The following FMOD variants were observed in gnomAD, a reference collection of about 807,000 sequenced individuals.
The protein encoded by FMOD is KSPG fibromodulin.
A neutral mutation model predicts 27.0 loss-of-function variants in FMOD; 15 were observed. The observed-to-expected ratio is 0.55, with a 90% confidence interval of 0.37 to 0.85. FMOD has a LOEUF of 0.85. Among genes scored for constraint, FMOD ranks in the 40% least tolerant of loss-of-function variants. FMOD has a pLI of 0.00. For missense variants in FMOD, 460 were observed against 483.2 expected (o/e 0.95, Z 0.45); for synonymous variants, 210 against 214.0 (o/e 0.98, Z 0.16).
chr1:203,348,136 G>A lies in FMOD; in HGVS notation c.135C>T (p.Tyr45=), dbSNP rs1455672339. ...QSTYYDPYDP[Y]PYETYEPYPY... is the part of the protein sequence containing the mutation. ...GGTAAGGCTCGTAGGTCTCATACGG[G>A]TAAGGGTCATAGGGATCGTAGTAGG... Residue 45 remains tyrosine (Y), a synonymous_variant, in exon 2 of 3, where the codon TAC becomes TAT. Transcript: ENST00000354955. The A allele has an allele frequency of 6.2e-7, 1 of 1,614,076 alleles. No homozygotes were observed. Among genetic ancestry groups the A allele is most frequent in the African/African-American group, 1.3e-5 (1 of 74,922 alleles).
intron 2 of FMOD, among the ~76,000 whole-genome samples, chr1:203,345,237 C>A (rs778754317): frequency 6.6e-6 from 1 of 152,076 alleles, no homozygotes; most frequent in South Asian, 2.1e-4. Flanking sequence ...AATTTGTTTG[C>A]GGGACCTTAG....
rs112848354 is a variant in FMOD, at chr1:203,347,009, C to T, written c.979+283G>A. Among the ~76,000 whole-genome samples, 1,514 of 152,254 alleles carry T rather than the reference C, an allele frequency of 9.9e-3. 28 individuals are homozygous for T. The highest frequency in any genetic ancestry group is 0.035 in the African/African-American group (1,453 of 41,524). On this transcript the variant is annotated intron_variant, in intron 2 of 2. Coordinates refer to ENST00000354955, the MANE Select transcript of FMOD (RefSeq NM_002023.5). Reference sequence around the variant, plus strand: ...CCAGAATGTCTCCATCCTGCATACCCCCAACCCATGCCCACTTATCTCTCA... The same window carrying T: ...CCAGAATGTCTCCATCCTGCATACCTCCAACCCATGCCCACTTATCTCTCA...
Position 203,347,248 on chromosome 1 carries a change from T to G in FMOD, c.979+44A>C, listed in dbSNP as rs774439814. The G allele has an allele frequency of 3.5e-5, 55 of 1,551,362 alleles. No individual in the cohort carries two copies. The South Asian group carries it at 6.7e-4, about 19-fold the overall frequency. ...AGCACTCAGAATAGTGTCTTTCAAG[T>G]GAAATAGACAGCCAGTCCCCGCCTC... On this transcript the variant is annotated intron_variant, in intron 2 of 2. Coordinates refer to ENST00000354955, the MANE Select transcript of FMOD (RefSeq NM_002023.5).
At position 203,348,196 on chromosome 1, in the gene FMOD, A is replaced by T. The variant is rs770447264; in HGVS notation, c.75T>A (p.His25Gln). Residue 25 changes from histidine to glutamine, a missense_variant, in exon 2 of 3, where the codon CAT becomes CAA. By Grantham distance (24) the His-to-Gln change is conservative. Coordinates refer to ENST00000354955, the MANE Select transcript of FMOD (RefSeq NM_002023.5). ...LSQAQYEDDP[H>Q]WWFHYLRSQQ... ...GGCTGCGGAGGTAGTGGAACCACCA[A>T]TGAGGGTCATCTTCATACTGGGCCT... 6.2e-7 allele frequency: 1 copy of T among 1,614,198 alleles called. No homozygotes were observed. Among genetic ancestry groups the T allele is most frequent in the South Asian group, 1.1e-5 (1 of 91,088 alleles).
rs1406397342 is a variant in FMOD at position 203,342,170 on chromosome 1, G to T, written c.*173C>A. On this transcript the variant is annotated 3_prime_UTR_variant, in exon 3 of 3. Coordinates refer to ENST00000354955, the MANE Select transcript of FMOD (RefSeq NM_002023.5). Reference sequence around the variant, plus strand: ...CTTCTGCCTATGTCCTCAGCAGAAGGCTGCCTGTCCCTGATCGCCCCCCCT... The same window carrying T: ...CTTCTGCCTATGTCCTCAGCAGAAGTCTGCCTGTCCCTGATCGCCCCCCCT... 23 of 675,810 alleles carry T rather than the reference G, an allele frequency of 3.4e-5. No homozygotes were observed. The highest frequency in any genetic ancestry group is 5.5e-5 in the Non-Finnish European group (23 of 420,970). The allele number at this position is 675,810 out of a possible 1,614,324, so 41.9% of individuals were successfully genotyped here.
At chr1:203,346,496 CT>C (rs5780162) in intron 2 of FMOD, among the ~76,000 whole-genome samples, 41 of 146,358 alleles carry the variant, frequency 2.8e-4, no homozygotes, top group African/African-American at 6.3e-4. Context: ...GGGAGGCAGC[CT>C]TTTTTTTTTT....
rs370475053 is a variant in FMOD at position 203,342,433 on chromosome 1, C to A, written c.1041G>T (p.Val347=). 19 of 1,614,050 alleles carry A rather than the reference C, an allele frequency of 1.2e-5. No homozygotes were observed. In the African/African-American group the frequency reaches 2.3e-4, roughly 19 times the overall value. ...VDVVNFSKLQ[V]LRLDGNEIKR... ...TGATCTCGTTCCCGTCCAGGCGCAGCACCTGCAGCTTGGAGAAGTTCACGA... is the reference window on the plus strand; with the variant it reads ...TGATCTCGTTCCCGTCCAGGCGCAGAACCTGCAGCTTGGAGAAGTTCACGA... Residue 347 remains valine (V), a synonymous_variant, in exon 3 of 3, where the codon GTG becomes GTT. Coordinates refer to ENST00000354955, the MANE Select transcript of FMOD (RefSeq NM_002023.5).
At chr1:203,350,400 G>C (rs75860259) in intron 1 of FMOD, among the ~76,000 whole-genome samples, 1 of 152,040 alleles carries the variant, frequency 6.6e-6, no homozygotes, top group African/African-American at 2.4e-5. Context: ...GTTTACTCAG[G>C]AGCTACTGCT....
intron 2 of FMOD, among the ~76,000 whole-genome samples, chr1:203,346,735 G>T (rs915968858): frequency 6.6e-6 from 1 of 152,164 alleles, no homozygotes; most frequent in Non-Finnish European, 1.5e-5. Context: ...GAAAAAGAGA[G>T]CTCATCCTCT....
chr1:203,348,821 A>G (rs1553286211), intron 1 of FMOD, among the ~76,000 whole-genome samples: 1 of 152,188 alleles, frequency 6.6e-6, no homozygotes, highest in Non-Finnish European at 1.5e-5. Context: ...CATCTGGAAA[A>G]TCTTTTGGTC....
intron 2 of FMOD, 135 bp downstream of exon 2, chr1:203,347,157 T>C (rs761999090): frequency 6.1e-6 from 6 of 984,916 alleles, no homozygotes; most frequent in Non-Finnish European, 7.5e-6. Context: ...GGGTATGGCT[T>C]GGTTGTCAGG....
rs775546532 is a variant in FMOD at position 203,347,978 on chromosome 1, T to A, written c.293A>T (p.Lys98Met). ...GCGGGAGGGAACGAAGGGCAGGTAC[T>A]TGAGGTTGCGATTGTCACAGTACAT... ...TAMYCDNRNL[K>M]YLPFVPSRMK... Residue 98 changes from lysine to methionine, a missense_variant, in exon 2 of 3, where the codon AAG becomes ATG. Lys to Met is a moderately conservative substitution (Grantham distance 95). Coordinates refer to ENST00000354955, the MANE Select transcript of FMOD (RefSeq NM_002023.5). The A allele has an allele frequency of 1.9e-6, 3 of 1,604,698 alleles. No individual in the cohort carries two copies. The Admixed American group carries it at 5.0e-5, about 27-fold the overall frequency.
At position 203,347,988 on chromosome 1, in the gene FMOD, G is replaced by A. The variant is rs768009921; in HGVS notation, c.283C>T (p.Arg95Cys). ...ACGAAGGGCAGGTACTTGAGGTTGCGATTGTCACAGTACATGGCCGTGGGG... is the reference window on the plus strand; with the variant it reads ...ACGAAGGGCAGGTACTTGAGGTTGCAATTGTCACAGTACATGGCCGTGGGG... ...NFPTAMYCDN[R>C]NLKYLPFVPS... The change falls in exon 2 of 3, where the codon CGC (arginine) becomes TGC (cysteine). Residue 95 changes from arginine to cysteine, a missense_variant. Arg to Cys is a radical substitution (Grantham distance 180). Transcript: ENST00000354955. The A allele has an allele frequency of 6.2e-6, 10 of 1,603,954 alleles. No individual in the cohort carries two copies. The highest frequency in any genetic ancestry group is 3.4e-5 in the Admixed American group (2 of 59,558).
At chr1:203,344,507 T>G (rs1007775062) in intron 2 of FMOD, among the ~76,000 whole-genome samples, 2 of 152,208 alleles carry the variant, frequency 1.3e-5, no homozygotes, top group African/African-American at 4.8e-5. Flanking sequence ...AAATTCCTAC[T>G]GGTGTACCCG....
intron 2 of FMOD, among the ~76,000 whole-genome samples, chr1:203,344,861 T>G (rs933225198): frequency 6.6e-6 from 1 of 152,318 alleles, no homozygotes; most frequent in Non-Finnish European, 1.5e-5. Flanking sequence ...CGGAGATGCC[T>G]GGCTCTAGGT....
intron 1 of FMOD, among the ~76,000 whole-genome samples, chr1:203,349,765 C>T (rs926645358): frequency 6.6e-6 from 1 of 152,212 alleles, no homozygotes; most frequent in Non-Finnish European, 1.5e-5. Context: ...ACAGAGTTAC[C>T]TCCTGACCAC....
In FMOD at chr1:203,348,110, G is replaced by A. The variant is rs760952445; in HGVS notation, c.161C>T (p.Pro54Leu). 1 of 1,614,084 alleles carries A rather than the reference G, an allele frequency of 6.2e-7. No homozygotes were observed. The highest frequency in any genetic ancestry group is 1.3e-5 in the African/African-American group (1 of 74,926). Residue 54 changes from proline to leucine, a missense_variant, in exon 2 of 3, where the codon CCC (proline) becomes CTC (leucine). By Grantham distance (98) the Pro-to-Leu change is moderately conservative. Transcript: ENST00000354955. ...GGCTGGCCCTTCATCCACCCCATAG[G>A]GGTAAGGCTCGTAGGTCTCATACGG... is the stretch of plus-strand genomic sequence containing the variant. ...PYPYETYEPY[P>L]YGVDEGPAYT...
At chr1:203,349,190 G>T (rs769870311) in intron 1 of FMOD, among the ~76,000 whole-genome samples, 1 of 152,216 alleles carries the variant, frequency 6.6e-6, no homozygotes, top group African/African-American at 2.4e-5. Context: ...CAAGAGCCAT[G>T]TGGGGCCAAG....
chr1:203,345,806 G>A (rs1432144863), intron 2 of FMOD, among the ~76,000 whole-genome samples: 1 of 151,846 alleles, frequency 6.6e-6, no homozygotes, highest in African/African-American at 2.4e-5. Context: ...GCTGAGGCAG[G>A]AGAATGGCGT....
Sources: allele counts gnomAD v4.1 joint callset (sites outside exome capture counted in the v4.1 genomes callset), GRCh38; gene constraint gnomAD v4.1.1; transcripts MANE v1.5; gene names NCBI Gene and HGNC (gene_info 2026-07-23, HGNC 2026-07-21).